The following EEA1 variants were observed in gnomAD, a reference collection of about 807,000 sequenced individuals.
The protein encoded by EEA1 is early endosome antigen 1, 162kD.
Under a neutral mutation model 209.2 loss-of-function variants are expected in EEA1, and 111 were observed. That is an observed-to-expected ratio of 0.53 (90% CI 0.45 to 0.62). The LOEUF (loss-of-function observed/expected upper bound fraction) is 0.62, where lower values mean the gene tolerates loss of function less well. EEA1 is among the 20% of genes least tolerant of loss of function. The pLI is 0.00. For missense variants in EEA1, 1,343 were observed against 1,530.8 expected, an observed-to-expected ratio of 0.88 and a Z score of 2.05; for synonymous variants, 536 against 540.6, an observed-to-expected ratio of 0.99 and a Z score of 0.12.
At chr12:92,889,413 G>T (rs900397763) in intron 2 of EEA1, among the ~76,000 whole-genome samples, 1 of 151,410 alleles carries the variant, frequency 6.6e-6, no homozygotes, top group Non-Finnish European at 1.5e-5. Context: ...AGAAACAGAA[G>T]AGCAGGACAA....
chr12:92,774,621 C>G lies in EEA1; in HGVS notation c.*1390G>C, dbSNP rs914605366. 6.6e-6 allele frequency: 1 copy of G among 151,584 alleles called. No individual in the cohort carries two copies. The highest frequency in any genetic ancestry group is 1.5e-5 in the Non-Finnish European group (1 of 67,596). 9.4% of individuals were successfully genotyped at this position (151,584 alleles called of 1,614,324 possible). A position where few individuals can be genotyped will look rare whatever the true frequency, so the allele number is the denominator to read the frequency against. On this transcript the variant is annotated 3_prime_UTR_variant, in exon 29 of 29. Coordinates refer to ENST00000322349, the MANE Select transcript of EEA1 (RefSeq NM_003566.4). ...ATTAAAGTTCGATTCCATTGTTCAGCATACAAATAAGCTAATTTCTTAATT... is the reference window on the plus strand; with the variant it reads ...ATTAAAGTTCGATTCCATTGTTCAGGATACAAATAAGCTAATTTCTTAATT...
At chr12:92,853,050 CAAATACCATGTTAATT>C in intron 6 of EEA1, 25 bp from the exon 7 acceptor site, 1 of 1,413,664 alleles carries the variant, frequency 7.1e-7, no homozygotes, top group South Asian at 1.2e-5. Flanking sequence ...CGCAGTTATT[CAAATACCATGTTAATT>C]ACATATGCTA....
Position 92,773,854 on chromosome 12 carries a change from C to T in EEA1, c.*2157G>A, listed in dbSNP as rs1035008887. 6 of 151,228 alleles carry T rather than the reference C, an allele frequency of 4.0e-5. No individual in the cohort carries two copies. The highest frequency in any genetic ancestry group is 2.6e-4 in the Admixed American group (4 of 15,134). 9.4% of individuals were successfully genotyped at this position (151,228 alleles called of 1,614,324 possible). ...AGTAGCCTATGGTAGGTAAATTACTCGGGACTTATGAAATGAAATTAGATA... is the reference window on the plus strand; with the variant it reads ...AGTAGCCTATGGTAGGTAAATTACTTGGGACTTATGAAATGAAATTAGATA... On this transcript the variant is annotated 3_prime_UTR_variant, in exon 29 of 29. Coordinates refer to ENST00000322349, the MANE Select transcript of EEA1 (RefSeq NM_003566.4).
chr12:92,850,523 C>G (rs1275417529), intron 9 of EEA1, among the ~76,000 whole-genome samples: 5 of 151,830 alleles, frequency 3.3e-5, no homozygotes, highest in Non-Finnish European at 5.9e-5. Flanking sequence ...AGCCCCATCT[C>G]TACTAAAAAT....
intron 3 of EEA1, chr12:92,859,096 A>G (rs1878017079): frequency 2.3e-6 from 2 of 886,638 alleles, no homozygotes; most frequent in African/African-American, 3.3e-5. Context: ...CCATTATAGT[A>G]CCTCTCAGAA....
intron 11 of EEA1, among the ~76,000 whole-genome samples, chr12:92,831,466 C>T (rs1016347983): frequency 2.0e-5 from 3 of 147,796 alleles, no homozygotes; most frequent in African/African-American, 7.4e-5. Context: ...AAAATATGAG[C>T]TATATAGGTA....
At chr12:92,910,466 C>T (rs1420391264) in intron 1 of EEA1, among the ~76,000 whole-genome samples, 1 of 150,220 alleles carries the variant, frequency 6.7e-6, no homozygotes, top group Non-Finnish European at 1.5e-5. Context: ...AAGACTCCAT[C>T]TCAAAAAAAA....
intron 1 of EEA1, among the ~76,000 whole-genome samples, chr12:92,916,478 C>T (rs1029482362): frequency 6.6e-6 from 1 of 150,438 alleles, no homozygotes; most frequent in Admixed American, 6.6e-5. Context: ...AATAGTGAAA[C>T]CCCGTCTCTA....
chr12:92,876,909 G>A (rs1434118923), intron 2 of EEA1, among the ~76,000 whole-genome samples: 1 of 148,246 alleles, frequency 6.7e-6, no homozygotes, highest in Non-Finnish European at 1.5e-5. Flanking sequence ...TTTATTCTAA[G>A]GACAATTAAT....
chr12:92,924,433 T>G (rs1881132295), intron 1 of EEA1, among the ~76,000 whole-genome samples: 1 of 151,996 alleles, frequency 6.6e-6, no homozygotes, highest in Admixed American at 6.6e-5. Context: ...GGTCTCAAAC[T>G]CCTGACCTCA....
chr12:92,928,700 C>G (rs1164754108), intron 1 of EEA1, among the ~76,000 whole-genome samples: 1 of 152,150 alleles, frequency 6.6e-6, no homozygotes, highest in African/African-American at 2.4e-5. Context: ...GCCCGTCCCA[C>G]GGGCACCAAC....
chr12:92,902,683 G>C (rs1457151438), intron 1 of EEA1, among the ~76,000 whole-genome samples: 1 of 148,576 alleles, frequency 6.7e-6, no homozygotes, highest in Non-Finnish European at 1.5e-5. Flanking sequence ...AGAGGTTGTA[G>C]TGAGTCAAGA....
At chr12:92,785,722 A>G (rs1203352681) in intron 22 of EEA1, among the ~76,000 whole-genome samples, 1 of 152,220 alleles carries the variant, frequency 6.6e-6, no homozygotes, top group African/African-American at 2.4e-5. Flanking sequence ...GTACAGCAGT[A>G]GGCCTGTCTT....
At chr12:92,783,538 A>T (rs1347392095) in intron 22 of EEA1, among the ~76,000 whole-genome samples, 1 of 152,254 alleles carries the variant, frequency 6.6e-6, no homozygotes, top group Non-Finnish European at 1.5e-5. Flanking sequence ...CTATCCTGAG[A>T]AAGCACACTG....
intron 10 of EEA1, among the ~76,000 whole-genome samples, chr12:92,834,334 A>G (rs548354796): frequency 1.3e-5 from 2 of 152,220 alleles, no homozygotes; most frequent in South Asian, 2.1e-4. Flanking sequence ...ACTTGAGGTC[A>G]GGAGTTAAAG....
Position 92,799,089 on chromosome 12 carries a change from G to A in EEA1, c.2773-3C>T, listed in dbSNP as rs1206008026. On this transcript the variant is annotated splice_region_variant and splice_polypyrimidine_tract_variant and intron_variant, in intron 20 of 28. Transcript: ENST00000322349. ...TCCAATTTCAACTGATGAGAAGCCT[G>A]AAAGAAAAAAAAAATCTATTTAGCC... is the stretch of plus-strand genomic sequence containing the variant. The A allele has an allele frequency of 6.5e-7, 1 of 1,547,548 alleles. No homozygotes were observed. The highest frequency in any genetic ancestry group is 8.7e-7 in the Non-Finnish European group (1 of 1,152,436).
At chr12:92,779,560 A>G (rs80222022) in intron 24 of EEA1, among the ~76,000 whole-genome samples, 465 of 152,118 alleles carry the variant, frequency 3.1e-3, no homozygotes, top group Non-Finnish European at 4.9e-3. Context: ...TGTACTCTCT[A>G]TTTTCCCTTT....
intron 15 of EEA1, 146 bp from the exon 16 acceptor site, chr12:92,813,239 T>C (rs1875609409): frequency 2.2e-6 from 1 of 448,052 alleles, no homozygotes; most frequent in Non-Finnish European, 3.9e-6. Context: ...GAAAAATATG[T>C]ATGTGAAAAT....
At chr12:92,906,493 G>A (rs1880390457) in intron 1 of EEA1, among the ~76,000 whole-genome samples, 1 of 152,282 alleles carries the variant, frequency 6.6e-6, no homozygotes, top group East Asian at 1.9e-4. Context: ...GGATTTATAA[G>A]CTATCTATAA....
Sources: gnomAD v4.1 joint callset for allele counts (sites outside exome capture counted in the v4.1 genomes callset) on GRCh38, gnomAD v4.1.1 for gene constraint, MANE v1.5 for transcripts, NCBI Gene and HGNC (gene_info 2026-07-23, HGNC 2026-07-21) for gene names.